CRADD: variants seen among roughly 807,000 people sequenced by gnomAD.
CRADD encodes CARD and death domain containing adaptor protein.
A neutral mutation model predicts 15.5 loss-of-function variants in CRADD; 9 were observed. The ratio of observed to expected loss-of-function variants is 0.58; its 90% CI spans 0.35 to 1.01. CRADD has a LOEUF of 1.01. Ranked by LOEUF, CRADD falls within the 50% of genes least tolerant of loss-of-function variation. CRADD has a pLI of 0.02. For missense variants in CRADD, 227 were observed against 250.3 expected, an observed-to-expected ratio of 0.91 and a Z score of 0.63; for synonymous variants, 118 against 107.6, an observed-to-expected ratio of 1.10 and a Z score of -0.60.
intron 2 of CRADD, among the ~76,000 whole-genome samples, chr12:93,719,352 A>C (rs554573685): frequency 6.6e-6 from 1 of 152,268 alleles, no homozygotes; most frequent in South Asian, 2.1e-4. Flanking sequence ...TTGATTTGCT[A>C]ATACTTTTTT....
intron 2 of CRADD, among the ~76,000 whole-genome samples, chr12:93,774,451 C>A (rs1039386443): frequency 1.3e-5 from 2 of 152,174 alleles, no homozygotes; most frequent in African/African-American, 4.8e-5. Context: ...AGAACTTGAA[C>A]CCACTTTCCC....
Position 93,690,224 on chromosome 12 carries a change from A to G in CRADD, c.298+11152A>G, listed in dbSNP as rs565048532. On this transcript the variant is annotated intron_variant, in intron 2 of 2. Coordinates refer to ENST00000332896, the MANE Select transcript of CRADD (RefSeq NM_003805.5). ...TGAGCCCTTCCTCTAGGACACCAGAATCACCTGAAGTGGGGAAAGGAAGTT... is the reference window on the plus strand; with the variant it reads ...TGAGCCCTTCCTCTAGGACACCAGAGTCACCTGAAGTGGGGAAAGGAAGTT... Among the ~76,000 whole-genome samples the G allele has an allele frequency of 2.0e-5, 3 of 152,364 alleles. No homozygotes were observed. The East Asian group carries it at 5.8e-4, about 29-fold the overall frequency.
At chr12:93,838,132 T>C (rs1289030390) in intron 2 of CRADD, 2 of 151,880 alleles carry the variant, frequency 1.3e-5, no homozygotes. Flanking sequence ...TTTCTCCATC[T>C]CTCTGTGAGG....
chr12:93,750,368 G>A (rs778255707), intron 2 of CRADD, among the ~76,000 whole-genome samples: 10 of 152,098 alleles, frequency 6.6e-5, no homozygotes, highest in Admixed American at 1.3e-4. Flanking sequence ...AAGACCTAAG[G>A]CTCATCTGAT....
intron 2 of CRADD, 58 bp from the exon 3 acceptor site, chr12:93,849,912 C>G: frequency 1.0e-6 from 1 of 1,001,696 alleles, no homozygotes; most frequent in Non-Finnish European, 1.6e-6. Flanking sequence ...CATTTCTGCC[C>G]CCAAATGATG....
chr12:93,821,747 C>G (rs913796504), intron 2 of CRADD, among the ~76,000 whole-genome samples: 1 of 152,180 alleles, frequency 6.6e-6, no homozygotes, highest in Non-Finnish European at 1.5e-5. Flanking sequence ...GAGAGGGGCA[C>G]AGCCTCTTCC....
At chr12:93,846,927 C>T (rs2137046898) in intron 2 of CRADD, among the ~76,000 whole-genome samples, 1 of 147,672 alleles carries the variant, frequency 6.8e-6, no homozygotes, top group Admixed American at 6.8e-5. Flanking sequence ...AGTGAAACCC[C>T]ATCTCTACTA....
At chr12:93,749,479 T>C (rs1317740818) in intron 2 of CRADD, among the ~76,000 whole-genome samples, 1 of 152,230 alleles carries the variant, frequency 6.6e-6, no homozygotes, top group Non-Finnish European at 1.5e-5. Flanking sequence ...TTTGCCTCTC[T>C]AGTGGATGTC....
At chr12:93,813,707 A>G (rs1015034589) in intron 2 of CRADD, among the ~76,000 whole-genome samples, 3 of 152,114 alleles carry the variant, frequency 2.0e-5, no homozygotes, top group African/African-American at 7.2e-5. Flanking sequence ...CTGTCATGAC[A>G]TGGGCTTGAC....
chr12:93,781,609 C>T (rs1489966115), intron 2 of CRADD, among the ~76,000 whole-genome samples: 1 of 152,210 alleles, frequency 6.6e-6, no homozygotes, highest in Non-Finnish European at 1.5e-5. Context: ...GTTAGTTATG[C>T]TCCTCCAATG....
intron 2 of CRADD, among the ~76,000 whole-genome samples, chr12:93,757,617 G>A (rs147642219): frequency 6.6e-6 from 1 of 152,246 alleles, no homozygotes; most frequent in East Asian, 1.9e-4. Flanking sequence ...TTTGAGAGTA[G>A]CAGTATATCA....
intron 2 of CRADD, among the ~76,000 whole-genome samples, chr12:93,863,230 GAC>G (rs71912175): frequency 0.056 from 8,597 of 152,238 alleles, 268 homozygotes; most frequent in African/African-American, 0.075. Context: ...GCACCTGTAA[GAC>G]AAGCAGGAAG....
chr12:93,771,856 C>T (rs1285386281), intron 2 of CRADD, among the ~76,000 whole-genome samples: 2 of 152,186 alleles, frequency 1.3e-5, no homozygotes, highest in African/African-American at 4.8e-5. Flanking sequence ...TTAATATCTT[C>T]ATCTGTATAG....
chr12:93,686,009 G>A (rs1021178030), intron 2 of CRADD, among the ~76,000 whole-genome samples: 13 of 147,508 alleles, frequency 8.8e-5, no homozygotes, highest in African/African-American at 3.3e-4. Context: ...CAAAACCAAC[G>A]GAAATAATGG....
At chr12:93,721,812 A>G (rs1416114827) in intron 2 of CRADD, among the ~76,000 whole-genome samples, 3 of 152,228 alleles carry the variant, frequency 2.0e-5, no homozygotes, top group African/African-American at 7.2e-5. Flanking sequence ...GGACTACTGT[A>G]CACATAAGCA....
chr12:93,885,482 G>A (rs1273192120), intron 2 of CRADD, among the ~76,000 whole-genome samples: 1 of 150,134 alleles, frequency 6.7e-6, no homozygotes, highest in Non-Finnish European at 1.5e-5. Context: ...GTGGCACTGT[G>A]GAGGGGTTGT....
chr12:93,696,746 A>G (rs911630895), intron 2 of CRADD, among the ~76,000 whole-genome samples: 1 of 107,940 alleles, frequency 9.3e-6, no homozygotes, highest in South Asian at 2.6e-4. Context: ...AAAATATTTG[A>G]AAAAAAAAAC....
intron 2 of CRADD, among the ~76,000 whole-genome samples, chr12:93,875,002 A>G (rs896011001): frequency 3.9e-5 from 6 of 152,078 alleles, no homozygotes; most frequent in African/African-American, 7.2e-5. Flanking sequence ...GATCTGTCCA[A>G]TGCTGAAAGT....
chr12:93,759,081 T>G (rs1956921656), intron 2 of CRADD, among the ~76,000 whole-genome samples: 1 of 152,220 alleles, frequency 6.6e-6, no homozygotes, highest in African/African-American at 2.4e-5. Context: ...TGTAGAATGT[T>G]TTATTACTTT....
Sources: allele counts gnomAD v4.1 joint callset (sites outside exome capture counted in the v4.1 genomes callset), GRCh38; gene constraint gnomAD v4.1.1; transcripts MANE v1.5; gene names NCBI Gene and HGNC (gene_info 2026-07-23, HGNC 2026-07-21).